The following MYLK4 variants were observed in gnomAD, a reference collection of about 807,000 sequenced individuals.
The protein encoded by MYLK4 is caMLCK like.
MYLK4 carries 46 observed loss-of-function variants against 48.1 expected under a neutral mutation model. The observed-to-expected ratio is 0.96, with a 90% CI of 0.75 to 1.22. MYLK4 has a LOEUF of 1.22. MYLK4 is among the 50% of genes most tolerant of loss of function. The probability of loss-of-function intolerance (pLI) is 0.00; values close to 1 mark genes in which losing one functional copy is unlikely to be tolerated. For synonymous variants in MYLK4, 170 were observed against 180.8 expected (o/e 0.94, Z 0.48); for missense variants, 451 against 486.1 (o/e 0.93, Z 0.68).
rs141009176 is a variant in MYLK4 at position 2,678,303 on chromosome 6, C to T, written c.957G>A (p.Arg319=). The change falls in exon 10 of 13, where the codon AGG becomes AGA. Residue 319 remains arginine (R), a synonymous_variant. Transcript: ENST00000274643. ...AETLNNILAC[R]WDLEDEEFQD... ...GAAATTCTTCATCCTCTAAGTCCCA[C>T]CTGCAGGCCAGGATGTTGTTCAGCG... is the stretch of plus-strand genomic sequence containing the variant. The T allele has an allele frequency of 1.9e-5, 31 of 1,613,996 alleles. No individual in the cohort carries two copies. The highest frequency in any genetic ancestry group is 5.0e-5 in the Admixed American group (3 of 60,000).
In MYLK4 at chr6:2,707,104, C is replaced by A. The variant is rs149611223; in HGVS notation, c.160-14245G>T. Reference sequence around the variant, plus strand: ...GCACAAAGCAACACGGGACAGTATACGTTTTTCTTCCTCTGTTAACTGAGA... The same window carrying A: ...GCACAAAGCAACACGGGACAGTATAAGTTTTTCTTCCTCTGTTAACTGAGA... On this transcript the variant is annotated intron_variant, in intron 2 of 12. Coordinates refer to ENST00000274643, the MANE Select transcript of MYLK4 (RefSeq NM_001012418.5). Among the ~76,000 whole-genome samples the A allele has an allele frequency of 2.4e-3, 366 of 152,248 alleles. 2 individuals carry two copies. Among genetic ancestry groups the A allele is most frequent in the East Asian group, 2.7e-3 (14 of 5,184 alleles).
chr6:2,688,976 G>C lies in MYLK4; in HGVS notation c.236-20C>G, dbSNP rs779020970. 3.1e-6 allele frequency: 5 copies of C among 1,607,906 alleles called. No individual in the cohort carries two copies. The African/African-American group carries it at 6.7e-5, about 21-fold the overall frequency. ...TGTCAACTAGAAGGTGAGAGAAACA[G>C]AAGGGCAATCTGTCAAGAAGTCTGA... On this transcript the variant is annotated intron_variant, in intron 3 of 12. Transcript: ENST00000274643.
chr6:2,748,753 A>G (rs1764185662), intron 2 of MYLK4, among the ~76,000 whole-genome samples: 1 of 152,206 alleles, frequency 6.6e-6, no homozygotes, highest in South Asian at 2.1e-4. Context: ...TCTGCTGTCT[A>G]CCGCGTGAGG....
In MYLK4 at chr6:2,675,086, C is replaced by G; in HGVS notation, c.1080G>C (p.Trp360Cys). 6.2e-7 allele frequency: 1 copy of G among 1,614,078 alleles called. No individual in the cohort carries two copies. Among genetic ancestry groups the G allele is most frequent in the Non-Finnish European group, 8.5e-7 (1 of 1,179,996 alleles). The change falls in exon 11 of 13, where the codon TGG becomes TGC. Residue 360 changes from tryptophan (W) to cysteine (C), a missense_variant. Coordinates refer to ENST00000274643, the MANE Select transcript of MYLK4 (RefSeq NM_001012418.5). The part of the protein sequence containing the change: ...ISASEALKHP[W>C]LSDHKLHSRL... ...TGGAGTGGAGCTTGTGGTCTGACAA[C>G]CAGGGGTGCTTGAGAGCTTCGCTTG...
In MYLK4 at chr6:2,667,873, G is replaced by A. The variant is rs1034409771; in HGVS notation, c.*52C>T. 5.9e-5 allele frequency: 9 copies of A among 152,614 alleles called. No homozygotes were observed. Among genetic ancestry groups the A allele is most frequent in the South Asian group, 2.1e-4 (1 of 4,828 alleles). 9.5% of individuals were successfully genotyped at this position (152,614 alleles called of 1,614,324 possible). On this transcript the variant is annotated 3_prime_UTR_variant, in exon 13 of 13. Transcript: ENST00000274643. ...TGCTGATTTTTCAAAAAATTTTCTC[G>A]AAGCAGCAGCAACCACAGCAGTTTT...
At chr6:2,715,277 G>C (rs1248135759) in intron 2 of MYLK4, among the ~76,000 whole-genome samples, 1 of 148,684 alleles carries the variant, frequency 6.7e-6, no homozygotes, top group Non-Finnish European at 1.5e-5. Context: ...AAAAAAAATG[G>C]GTACAGAGTT....
the MYLK4 span, chr6:2,765,716 A>G: frequency 1.3e-6 from 2 of 1,543,492 alleles, no homozygotes; most frequent in Non-Finnish European, 1.7e-6. Flanking sequence ...CGCCGCGCAC[A>G]TCAACTCGCA....
chr6:2,721,554 T>C (rs775864010), intron 2 of MYLK4, among the ~76,000 whole-genome samples: 1 of 152,186 alleles, frequency 6.6e-6, no homozygotes, highest in Non-Finnish European at 1.5e-5. Flanking sequence ...TTTTGTGTTA[T>C]AAAAGGTTAG....
intron 2 of MYLK4, among the ~76,000 whole-genome samples, chr6:2,694,244 T>C (rs1488590535): frequency 1.3e-5 from 2 of 152,012 alleles, no homozygotes; most frequent in East Asian, 2.0e-4. Context: ...TACTTTTCCC[T>C]CTGCAGGGAC....
the MYLK4 span, among the ~76,000 whole-genome samples, chr6:2,763,028 G>C: frequency 3.3e-5 from 5 of 152,204 alleles, no homozygotes; most frequent in South Asian, 2.1e-4. Context: ...TCCATCGCCA[G>C]CTCTAGCAGC....
At position 2,665,763 on chromosome 6, in the gene MYLK4, C is replaced by A. The variant is rs1244697880; in HGVS notation, c.*2162G>T. On this transcript the variant is annotated 3_prime_UTR_variant, in exon 13 of 13. Transcript: ENST00000274643. The stretch of plus-strand genomic sequence containing the variant: ...TGCCACGAGGGGCTTCAAATCAGAC[C>A]CCTGTGTCCTGTTTAGCATTTGAGT... The A allele has an allele frequency of 3.3e-5, 5 of 152,154 alleles. No individual in the cohort carries two copies. The highest frequency in any genetic ancestry group is 1.2e-4 in the African/African-American group (5 of 41,426). The allele number at this position is 152,154 out of a possible 1,614,324, so 9.4% of individuals were successfully genotyped here.
Position 2,688,911 on chromosome 6 carries a change from G to C in MYLK4, c.281C>G (p.Thr94Arg). Residue 94 changes from threonine (T) to arginine (R), a missense_variant, in exon 4 of 13, where the codon ACA (threonine) becomes AGA (arginine). Coordinates refer to ENST00000274643, the MANE Select transcript of MYLK4 (RefSeq NM_001012418.5). ...GCTGTTGACCGCTCCTTGCTTGGCTGTCACAATACGATGATCAAATGGGGC... is the reference window on the plus strand; with the variant it reads ...GCTGTTGACCGCTCCTTGCTTGGCTCTCACAATACGATGATCAAATGGGGC... ...PPAPFDHRIV[T>R]AKQGAVNSFY... The C allele has an allele frequency of 3.7e-6, 6 of 1,614,208 alleles. No homozygotes were observed. The highest frequency in any genetic ancestry group is 5.1e-6 in the Non-Finnish European group (6 of 1,180,040).
upstream of MYLK4, among the ~76,000 whole-genome samples, chr6:2,753,161 C>G (rs538415348): frequency 6.6e-6 from 1 of 152,296 alleles, no homozygotes; most frequent in African/African-American, 2.4e-5. Context: ...AAACAGCACC[C>G]TACAGAGCCA....
chr6:2,765,916 G>T, the MYLK4 span: 1 of 1,454,560 alleles, frequency 6.9e-7, no homozygotes, highest in South Asian at 1.3e-5. Context: ...AGGGTGAGGA[G>T]GGCGACGACG....
chr6:2,755,120 A>G (rs1764396163), upstream of MYLK4, among the ~76,000 whole-genome samples: 1 of 152,232 alleles, frequency 6.6e-6, no homozygotes, highest in Admixed American at 6.5e-5. Flanking sequence ...AAATGAAAAT[A>G]AAACAGGTTT....
intron 2 of MYLK4, among the ~76,000 whole-genome samples, chr6:2,745,883 C>T (rs1347142125): frequency 1.6e-5 from 2 of 125,490 alleles, no homozygotes; most frequent in Non-Finnish European, 3.5e-5. Flanking sequence ...TGAGATCACA[C>T]CACTGCAATC....
At chr6:2,730,085 C>T (rs1462049456) in intron 2 of MYLK4, among the ~76,000 whole-genome samples, 1 of 152,234 alleles carries the variant, frequency 6.6e-6, no homozygotes, top group Non-Finnish European at 1.5e-5. Context: ...GAACAGCGTG[C>T]TGGGGAAGCG....
the MYLK4 span, chr6:2,769,976 A>G: frequency 8.4e-7 from 1 of 1,194,838 alleles, no homozygotes; most frequent in Non-Finnish European, 1.2e-6. Flanking sequence ...TTGCATCTAT[A>G]TTCAGTGAAT....
At chr6:2,702,809 G>C (rs1242318963) in intron 2 of MYLK4, among the ~76,000 whole-genome samples, 1 of 152,150 alleles carries the variant, frequency 6.6e-6, no homozygotes, top group Non-Finnish European at 1.5e-5. Flanking sequence ...AATTAAAAAT[G>C]TTAAGTACAC....
Sources: gnomAD v4.1 joint callset for allele counts (sites outside exome capture counted in the v4.1 genomes callset) on GRCh38, gnomAD v4.1.1 for gene constraint, MANE v1.5 for transcripts, NCBI Gene and HGNC (gene_info 2026-07-23, HGNC 2026-07-21) for gene names.